POU3F1: variants seen among roughly 807,000 people sequenced by gnomAD.
The protein encoded by POU3F1 is POU class 3 homeobox 1, also known as POU domain, class 3, transcription factor 1.
A neutral mutation model predicts 7.6 loss-of-function variants in POU3F1; 1 was observed. That is an observed-to-expected ratio of 0.13 (90% confidence interval 0.05 to 0.62). The LOEUF is 0.62. POU3F1 is among the 20% of genes least tolerant of loss of function. The pLI is 0.87. For missense variants in POU3F1, 505 were observed against 679.3 expected, an observed-to-expected ratio of 0.74 and a Z score of 2.85; for synonymous variants, 354 against 339.0, an observed-to-expected ratio of 1.04 and a Z score of -0.49.
Position 38,045,496 on chromosome 1 carries a change from C to T in POU3F1, c.1248G>A (p.Glu416=), listed in dbSNP as rs773182112. The change falls in exon 1 of 1, where the codon GAG becomes GAA. Residue 416 remains glutamate, a synonymous_variant. Coordinates refer to ENST00000373012, the MANE Select transcript of POU3F1 (RefSeq NM_002699.4). This position sits in a 1 kb window ranked among gnomAD's most constrained non-coding sequence, Gnocchi z 9.4. ...PPMDDVYAPG[E]LGPGGGGASP... is the part of the protein sequence containing the mutation. ...ATGCGCCGCCCCCGCCAGGCCCTAG[C>T]TCCCCAGGCGCGTATACATCGTCCA... 11 of 1,548,588 alleles carry T rather than the reference C, an allele frequency of 7.1e-6. No homozygotes were observed. Among genetic ancestry groups the T allele is most frequent in the Non-Finnish European group, 9.6e-6 (11 of 1,149,214 alleles).
Position 38,045,702 on chromosome 1 carries a change from C to A in POU3F1, c.1042G>T (p.Val348Leu). Residue 348 changes from valine (V) to leucine (L), a missense_variant, in exon 1 of 1, where the codon GTG (valine) becomes TTG (leucine). Val to Leu is a conservative substitution (Grantham distance 32). Around this residue, in one of 5 missense-constraint regions of POU3F1, gnomAD observed 24 missense variants for 80.6 expected, o/e 0.30. Coordinates refer to ENST00000373012, the MANE Select transcript of POU3F1 (RefSeq NM_002699.4). The surrounding 1 kb of genome is among the most constrained non-coding windows in gnomAD (Gnocchi z 9.4). ...RKRKKRTSIEVGVKGALESHF... is the reference protein window; with the variant it reads ...RKRKKRTSIELGVKGALESHF... The stretch of plus-strand genomic sequence containing the variant: ...CTCTCGAGCGCGCCTTTGACCCCCA[C>A]CTCGATGGACGTGCGCTTCTTGCGC... 3.1e-6 allele frequency: 5 copies of A among 1,613,312 alleles called. No homozygotes were observed. Among genetic ancestry groups the A allele is most frequent in the Non-Finnish European group, 4.2e-6 (5 of 1,179,684 alleles).
chr1:38,046,729 C>A lies in POU3F1; in HGVS notation c.15G>T (p.Ala5=), dbSNP rs1250812552. ...CACCGGGGCCCCGCGGCAGGTACTG[C>A]GCGGTGGTGGCCATGCCGCCCCGCG... MATT[A]QYLPRGPGGG... The change falls in exon 1 of 1, where the codon GCG becomes GCT. Residue 5 remains alanine (A), a synonymous_variant. Coordinates refer to ENST00000373012, the MANE Select transcript of POU3F1 (RefSeq NM_002699.4). The surrounding 1 kb of genome is among the most constrained non-coding windows in gnomAD (Gnocchi z 9.5). 17 of 1,101,322 alleles carry A rather than the reference C, an allele frequency of 1.5e-5. No homozygotes were observed. Among genetic ancestry groups the A allele is most frequent in the South Asian group, 4.3e-5 (1 of 23,504 alleles). 68.2% of individuals were successfully genotyped at this position (1,101,322 alleles called of 1,614,324 possible). A position where few individuals can be genotyped will look rare whatever the true frequency, so the allele number is the denominator to read the frequency against.
Position 38,045,652 on chromosome 1 carries a change from G to C in POU3F1, c.1092C>G (p.Pro364=). ...CCAAGCCGGTGATCTCGTGCGCCGA[G>C]GGCTTGGGGCACTTGAGAAAGTGGC... ...LESHFLKCPK[P]SAHEITGLAD... Residue 364 remains proline, a synonymous_variant, in exon 1 of 1, where the codon CCC becomes CCG. Transcript: ENST00000373012. The surrounding 1 kb of genome is among the most constrained non-coding windows in gnomAD (Gnocchi z 9.4). The C allele has an allele frequency of 1.9e-6, 3 of 1,613,560 alleles. No homozygotes were observed. The highest frequency in any genetic ancestry group is 2.5e-6 in the Non-Finnish European group (3 of 1,179,838).
Position 38,045,541 on chromosome 1 carries a change from G to T in POU3F1, c.1203C>A (p.Ala401=). The part of the protein sequence containing the change: ...RQKEKRMTPA[A]GAGHPPMDDV... ...CGTCCATGGGCGGGTGGCCCGCGCC[G>T]GCCGCAGGGGTCATGCGCTTCTCCT... Residue 401 remains alanine (A), a synonymous_variant, in exon 1 of 1, where the codon GCC becomes GCA. Coordinates refer to ENST00000373012, the MANE Select transcript of POU3F1 (RefSeq NM_002699.4). The surrounding 1 kb of genome is among the most constrained non-coding windows in gnomAD (Gnocchi z 9.4). The T allele has an allele frequency of 6.2e-7, 1 of 1,600,026 alleles. No homozygotes were observed. Among genetic ancestry groups the T allele is most frequent in the Non-Finnish European group, 8.5e-7 (1 of 1,173,574 alleles).
In POU3F1 at chr1:38,046,067, GCCGCGTGCAGGCCGC is replaced by G. The variant is rs1312102913; in HGVS notation, c.662_676del (p.Gly221_Ala225del). ...CGCGCCCGGGTGCAGGTGCGCCGCC[GCCGCGTGCAGGCCGC>G]CCGCGTGTGCATGTCCGTGTGCGTG... On this transcript the variant is annotated inframe_deletion, in exon 1 of 1. Transcript: ENST00000373012. This position sits in a 1 kb window ranked among gnomAD's most constrained non-coding sequence, Gnocchi z 9.5. The G allele has an allele frequency of 1.4e-6, 2 of 1,468,932 alleles. No individual in the cohort carries two copies. The highest frequency in any genetic ancestry group is 1.8e-6 in the Non-Finnish European group (2 of 1,119,510). The allele number at this position is 1,468,932 out of a possible 1,614,324, so 91.0% of individuals were successfully genotyped here. A position where few individuals can be genotyped will look rare whatever the true frequency, so the allele number is the denominator to read the frequency against.
chr1:38,044,334 A>G lies in POU3F1; in HGVS notation c.*1054T>C, dbSNP rs1230556227. Among the ~76,000 whole-genome samples, 1 of 152,272 alleles carries G rather than the reference A, an allele frequency of 6.6e-6. No homozygotes were observed. The highest frequency in any genetic ancestry group is 1.5e-5 in the Non-Finnish European group (1 of 68,048). On this transcript the variant is annotated 3_prime_UTR_variant, in exon 1 of 1. Coordinates refer to ENST00000373012, the MANE Select transcript of POU3F1 (RefSeq NM_002699.4). The stretch of plus-strand genomic sequence containing the variant: ...AGGGAAGCTGCAGGGAATCAGGCGG[A>G]GGGTTCTCAGGGAACGGCTTATTTC...
Position 38,044,870 on chromosome 1 carries a change from G to A in POU3F1, c.*518C>T, listed in dbSNP as rs1646849278. On this transcript the variant is annotated 3_prime_UTR_variant, in exon 1 of 1. Coordinates refer to ENST00000373012, the MANE Select transcript of POU3F1 (RefSeq NM_002699.4). Reference sequence around the variant, plus strand: ...AAGCCCGGAGAAAGGGGAAAGCGGGGTGGGGCGCATCCTTATAGGAGAGAA... The same window carrying A: ...AAGCCCGGAGAAAGGGGAAAGCGGGATGGGGCGCATCCTTATAGGAGAGAA... 1 of 152,246 alleles carries A rather than the reference G, an allele frequency of 6.6e-6. No homozygotes were observed. Among genetic ancestry groups the A allele is most frequent in the Admixed American group, 6.5e-5 (1 of 15,290 alleles). The allele number at this position is 152,246 out of a possible 1,614,324, so 9.4% of individuals were successfully genotyped here.
Position 38,044,813 on chromosome 1 carries a change from G to C in POU3F1, c.*575C>G, listed in dbSNP as rs910994316. 6.6e-6 allele frequency: 1 copy of C among 152,018 alleles called. No homozygotes were observed. The highest frequency in any genetic ancestry group is 2.4e-5 in the African/African-American group (1 of 41,374). The allele number at this position is 152,018 out of a possible 1,614,324, so 9.4% of individuals were successfully genotyped here. A position where few individuals can be genotyped will look rare whatever the true frequency, so the allele number is the denominator to read the frequency against. ...TTAGAAGGACCCCAGGAGCCGAGAG[G>C]CTCCACGAATAAATAAAAACCGTAA... On this transcript the variant is annotated 3_prime_UTR_variant, in exon 1 of 1. Coordinates refer to ENST00000373012, the MANE Select transcript of POU3F1 (RefSeq NM_002699.4).
chr1:38,045,618 G>A lies in POU3F1; in HGVS notation c.1126C>T (p.Leu376=). Residue 376 remains leucine, a synonymous_variant, in exon 1 of 1, where the codon CTG becomes TTG. Coordinates refer to ENST00000373012, the MANE Select transcript of POU3F1 (RefSeq NM_002699.4). The surrounding 1 kb of genome is among the most constrained non-coding windows in gnomAD (Gnocchi z 9.4). ...AHEITGLADS[L]QLEKEVVRVW... is the part of the protein sequence containing the mutation. ...CGCACCACCTCCTTCTCCAGCTGCAGGCTGTCTGCCAAGCCGGTGATCTCG... is the reference window on the plus strand; with the variant it reads ...CGCACCACCTCCTTCTCCAGCTGCAAGCTGTCTGCCAAGCCGGTGATCTCG... 1 of 1,613,386 alleles carries A rather than the reference G, an allele frequency of 6.2e-7. No homozygotes were observed. Among genetic ancestry groups the A allele is most frequent in the East Asian group, 2.2e-5 (1 of 44,844 alleles).
In POU3F1 at chr1:38,046,501, G is replaced by T; in HGVS notation, c.243C>A (p.Gly81=). The part of the protein sequence containing the change: ...PQWLPTGGGG[G]GDWAGGPHLE... ...GGTGCGGGCCGCCGGCCCAATCGCC[G>T]CCGCCGCCTCCTCCCGTGGGTAGCC... The change falls in exon 1 of 1, where the codon GGC becomes GGA. Residue 81 remains glycine, a synonymous_variant. Coordinates refer to ENST00000373012, the MANE Select transcript of POU3F1 (RefSeq NM_002699.4). The surrounding 1 kb of genome is among the most constrained non-coding windows in gnomAD (Gnocchi z 9.5). The T allele has an allele frequency of 7.2e-7, 1 of 1,383,922 alleles. No homozygotes were observed. The allele number at this position is 1,383,922 out of a possible 1,614,324, so 85.7% of individuals were successfully genotyped here.
rs1646845736 is a variant in POU3F1, at chr1:38,044,374, AAAC to A, written c.*1011_*1013del. 1.3e-5 allele frequency among the ~76,000 whole-genome samples: 2 copies of A among 152,376 alleles called. No homozygotes were observed. Among genetic ancestry groups the A allele is most frequent in the African/African-American group, 2.4e-5 (1 of 41,596 alleles). ...CGGCTTATTTCTACAGCTGGTTAAA[AAAC>A]AATCTCTCTAACTTTTCCAAGTTTC... On this transcript the variant is annotated 3_prime_UTR_variant, in exon 1 of 1. Coordinates refer to ENST00000373012, the MANE Select transcript of POU3F1 (RefSeq NM_002699.4).
Position 38,045,259 on chromosome 1 carries a change from T to G in POU3F1, c.*129A>C. On this transcript the variant is annotated 3_prime_UTR_variant, in exon 1 of 1. Transcript: ENST00000373012. This position sits in a 1 kb window ranked among gnomAD's most constrained non-coding sequence, Gnocchi z 9.4. ...AGGGTCGTCCGGGTGTTTGGTTTTG[T>G]TCGAAAGTTTCTGGGCTTTTTTTTT... 6 of 293,096 alleles carry G rather than the reference T, an allele frequency of 2.0e-5. No homozygotes were observed. The highest frequency in any genetic ancestry group is 1.4e-4 in the South Asian group (1 of 7,396). 18.2% of individuals were successfully genotyped at this position (293,096 alleles called of 1,614,324 possible).
At position 38,045,824 on chromosome 1, in the gene POU3F1, C is replaced by T; in HGVS notation, c.920G>A (p.Cys307Tyr). The change falls in exon 1 of 1, where the codon TGC (cysteine) becomes TAC (tyrosine). Residue 307 changes from cysteine to tyrosine, a missense_variant. By Grantham distance (194) the Cys-to-Tyr change is radical. This residue lies in a region of POU3F1 where 26 missense variants were observed against 99.9 expected (regional missense o/e 0.26). Coordinates refer to ENST00000373012, the MANE Select transcript of POU3F1 (RefSeq NM_002699.4). This position sits in a 1 kb window ranked among gnomAD's most constrained non-coding sequence, Gnocchi z 9.4. ...CTTGTTGAGCAGCGGCTTGAGCTTGCACATGTTCTTGAAGCTCAGCTGCAG... is the reference window on the plus strand; with the variant it reads ...CTTGTTGAGCAGCGGCTTGAGCTTGTACATGTTCTTGAAGCTCAGCTGCAG... ...EALQLSFKNM[C>Y]KLKPLLNKWL... 1 of 1,614,076 alleles carries T rather than the reference C, an allele frequency of 6.2e-7. No individual in the cohort carries two copies. Among genetic ancestry groups the T allele is most frequent in the Non-Finnish European group, 8.5e-7 (1 of 1,180,012 alleles).
Position 38,045,457 on chromosome 1 carries a change from C to T in POU3F1, c.1287G>A (p.Ala429=), listed in dbSNP as rs749306128. 2 of 1,450,334 alleles carry T rather than the reference C, an allele frequency of 1.4e-6. No homozygotes were observed. The highest frequency in any genetic ancestry group is 1.5e-5 in the South Asian group (1 of 68,924). 89.8% of individuals were successfully genotyped at this position (1,450,334 alleles called of 1,614,324 possible). ...GCGCCGCCGGCGGGGGCGGTGGGGG[C>T]GCGGAGGGTGGCGATGCGCCGCCCC... ...PGGGGASPPS[A]PPPPPPAALH... is the part of the protein sequence containing the mutation. Residue 429 remains alanine (A), a synonymous_variant, in exon 1 of 1, where the codon GCG becomes GCA. Coordinates refer to ENST00000373012, the MANE Select transcript of POU3F1 (RefSeq NM_002699.4). The surrounding 1 kb of genome is among the most constrained non-coding windows in gnomAD (Gnocchi z 9.4).
Position 38,046,550 on chromosome 1 carries a change from G to A in POU3F1, c.194C>T (p.Pro65Leu). The A allele has an allele frequency of 7.3e-7, 1 of 1,372,950 alleles. No homozygotes were observed. 85.0% of individuals were successfully genotyped at this position (1,372,950 alleles called of 1,614,324 possible). A position where few individuals can be genotyped will look rare whatever the true frequency, so the allele number is the denominator to read the frequency against. The change falls in exon 1 of 1, where the codon CCC becomes CTC. Residue 65 changes from proline (P) to leucine (L), a missense_variant. Physicochemically the swap from Pro to Leu is moderately conservative, Grantham distance 98 (BLOSUM62 -3). Transcript: ENST00000373012. This position sits in a 1 kb window ranked among gnomAD's most constrained non-coding sequence, Gnocchi z 9.5. ...CCACTGGGGGTGCGCTAGGCCCACG[G>A]GGTGGCCCGCGCCCGCGCCCAGCCA... ...HEWLGAGAGH[P>L]VGLAHPQWLP...
Position 38,046,242 on chromosome 1 carries a change from C to G in POU3F1, c.502G>C (p.Gly168Arg). Residue 168 changes from glycine to arginine, a missense_variant, in exon 1 of 1, where the codon GGC becomes CGC. By Grantham distance (125) the Gly-to-Arg change is moderately radical. Coordinates refer to ENST00000373012, the MANE Select transcript of POU3F1 (RefSeq NM_002699.4). The surrounding 1 kb of genome is among the most constrained non-coding windows in gnomAD (Gnocchi z 9.5). ...LYAQAAYPGG[G>R]GGGLAGMLAA... ...AGCATCCCGGCCAGGCCGCCGCCGC[C>G]GCCCCCCGGGTAGGCCGCCTGCGCG... 1.9e-6 allele frequency: 2 copies of G among 1,066,242 alleles called. No homozygotes were observed. The highest frequency in any genetic ancestry group is 2.3e-6 in the Non-Finnish European group (2 of 886,978). The allele number at this position is 1,066,242 out of a possible 1,614,324, so 66.0% of individuals were successfully genotyped here. A position where few individuals can be genotyped will look rare whatever the true frequency, so the allele number is the denominator to read the frequency against.
rs1394426558 is a variant in POU3F1 at position 38,044,475 on chromosome 1, G to A, written c.*913C>T. The A allele has an allele frequency of 1.3e-5, 2 of 152,702 alleles. No homozygotes were observed. Among genetic ancestry groups the A allele is most frequent in the African/African-American group, 4.8e-5 (2 of 41,474 alleles). The allele number at this position is 152,702 out of a possible 1,614,324, so 9.5% of individuals were successfully genotyped here. ...GCTATGCGGCGGTCGGTCTGCAGCA[G>A]GGCAGAAGCCCCTTCCCGTCTGGGT... On this transcript the variant is annotated 3_prime_UTR_variant, in exon 1 of 1. Transcript: ENST00000373012.
Position 38,046,779 on chromosome 1 carries a change from C to A in POU3F1, c.-36G>T. 17 of 985,420 alleles carry A rather than the reference C, an allele frequency of 1.7e-5. No homozygotes were observed. The highest frequency in any genetic ancestry group is 2.0e-5 in the Non-Finnish European group (17 of 831,200). 61.0% of individuals were successfully genotyped at this position (985,420 alleles called of 1,614,324 possible). A position where few individuals can be genotyped will look rare whatever the true frequency, so the allele number is the denominator to read the frequency against. ...GCCCTGCGCCGCGCCGCCGCCGCCG[C>A]TCCGCTCCGTCTGCGGGCCCCGCCG... On this transcript the variant is annotated 5_prime_UTR_variant, in exon 1 of 1. Transcript: ENST00000373012. This position sits in a 1 kb window ranked among gnomAD's most constrained non-coding sequence, Gnocchi z 9.5.
In POU3F1 at chr1:38,045,372, G is replaced by A. The variant is rs1321218030; in HGVS notation, c.*16C>T. On this transcript the variant is annotated 3_prime_UTR_variant, in exon 1 of 1. Coordinates refer to ENST00000373012, the MANE Select transcript of POU3F1 (RefSeq NM_002699.4). This position sits in a 1 kb window ranked among gnomAD's most constrained non-coding sequence, Gnocchi z 9.4. ...CCGCGCCCTGCAGCGCGCCGGCGGG[G>A]GCCCGGCCCGCGGGGTCACTGCACT... 1 of 1,172,792 alleles carries A rather than the reference G, an allele frequency of 8.5e-7. No homozygotes were observed. The highest frequency in any genetic ancestry group is 1.6e-5 in the African/African-American group (1 of 62,192). The allele number at this position is 1,172,792 out of a possible 1,614,324, so 72.6% of individuals were successfully genotyped here.
Sources: allele counts gnomAD v4.1 joint callset (sites outside exome capture counted in the v4.1 genomes callset), GRCh38; gene constraint gnomAD v4.1.1; regional missense constraint gnomAD v4.1.1; non-coding constraint Gnocchi (gnomAD v3.1); transcripts MANE v1.5; gene names NCBI Gene and HGNC (gene_info 2026-07-23, HGNC 2026-07-21).